Variants in CYP19A1 observed in about 807,000 individuals in gnomAD.
CYP19A1 encodes cytochrome P450 family 19 subfamily A member 1.
CYP19A1 carries 32 observed loss-of-function variants against 44.4 expected under a neutral mutation model. That is an observed-to-expected ratio of 0.72 (90% CI 0.54 to 0.97). The LOEUF (loss-of-function observed/expected upper bound fraction) is 0.97, where lower values mean the gene tolerates loss of function less well. Ranked by LOEUF, CYP19A1 falls within the 50% of genes least tolerant of loss-of-function variation. CYP19A1 has a pLI of 0.00. For synonymous variants in CYP19A1, 212 were observed against 215.6 expected (o/e 0.98, Z 0.14); for missense variants, 598 against 637.8 (o/e 0.94, Z 0.67).
At chr15:51,233,689 G>C (rs571201574) in intron 3 of CYP19A1, among the ~76,000 whole-genome samples, 1 of 152,170 alleles carries the variant, frequency 6.6e-6, no homozygotes, top group Non-Finnish European at 1.5e-5. Flanking sequence ...ATTGCTAACA[G>C]ATATGCAAAT....
intron 1 of CYP19A1, chr15:51,321,935 A>C (rs572655738): frequency 6.8e-6 from 1 of 147,546 alleles, no homozygotes; most frequent in South Asian, 2.1e-4. Flanking sequence ...AACGGAGAGA[A>C]ATGCTGTTTA....
chr15:51,288,211 C>T (rs549068273), intron 1 of CYP19A1, among the ~76,000 whole-genome samples: 59 of 152,278 alleles, frequency 3.9e-4, no homozygotes, highest in African/African-American at 1.4e-3. Context: ...CCAGCCCCTA[C>T]CATCCCTGGC....
At chr15:51,247,046 C>T (rs2034090612) in intron 1 of CYP19A1, among the ~76,000 whole-genome samples, 1 of 152,108 alleles carries the variant, frequency 6.6e-6, no homozygotes, top group African/African-American at 2.4e-5. Context: ...TATGTTTGTT[C>T]TTGATCTCAT....
intron 6 of CYP19A1, 195 bp downstream of exon 6, chr15:51,218,346 T>G: frequency 2.6e-6 from 2 of 767,902 alleles, no homozygotes; most frequent in Non-Finnish European, 3.9e-6. Context: ...GCCAAAGGCT[T>G]CATTTACTCT....
chr15:51,316,225 C>T (rs1595780986), intron 1 of CYP19A1: 1 of 152,188 alleles, frequency 6.6e-6, no homozygotes, highest in African/African-American at 2.4e-5. Context: ...CATGTTGGCT[C>T]ATGTCTCTAA....
chr15:51,316,572 T>C (rs1327538910), intron 1 of CYP19A1, among the ~76,000 whole-genome samples: 2 of 152,048 alleles, frequency 1.3e-5, no homozygotes, highest in African/African-American at 4.8e-5. Context: ...GTCTCCCCTA[T>C]CAATTTTATT....
chr15:51,249,616 G>A (rs1191301386), intron 1 of CYP19A1, among the ~76,000 whole-genome samples: 1 of 152,158 alleles, frequency 6.6e-6, no homozygotes, highest in Non-Finnish European at 1.5e-5. Flanking sequence ...GAGGCAGTAA[G>A]ACAAGCAAAC....
intron 1 of CYP19A1, among the ~76,000 whole-genome samples, chr15:51,250,269 C>G (rs1013804199): frequency 6.6e-6 from 1 of 152,208 alleles, no homozygotes; most frequent in African/African-American, 2.4e-5. Flanking sequence ...CAGGCAGGAC[C>G]GTGGCTTTCT....
chr15:51,222,669 AT>A, intron 4 of CYP19A1, 144 bp from the exon 5 acceptor site: 1 of 726,652 alleles, frequency 1.4e-6, no homozygotes, highest in Admixed American at 2.1e-5. Context: ...ATATTTTCGT[AT>A]GCTTTTCTGT....
At chr15:51,303,273 G>A (rs1162265489) in intron 1 of CYP19A1, among the ~76,000 whole-genome samples, 3 of 152,140 alleles carry the variant, frequency 2.0e-5, no homozygotes, top group Non-Finnish European at 4.4e-5. Context: ...GGCAGGACAG[G>A]CTGGGCCAGG....
At chr15:51,259,129 G>A (rs769779346) in intron 1 of CYP19A1, among the ~76,000 whole-genome samples, 1 of 152,136 alleles carries the variant, frequency 6.6e-6, no homozygotes, top group Non-Finnish European at 1.5e-5. Flanking sequence ...CGTCATTACA[G>A]GAGACAACAA....
rs193043671 is a variant in CYP19A1 at position 51,228,443 on chromosome 15, A to T, written c.297-510T>A. Among the ~76,000 whole-genome samples, 321 of 152,178 alleles carry T rather than the reference A, an allele frequency of 2.1e-3. 1 individual carries two copies. The highest frequency in any genetic ancestry group is 7.3e-3 in the African/African-American group (303 of 41,508). ...CAGCAGTTTTGCCTAGTACCACCCA[A>T]CTCCAGTCTCTAATCAGGCCTGCCC... On this transcript the variant is annotated intron_variant, in intron 3 of 9. Transcript: ENST00000396402.
intron 5 of CYP19A1, 26 bp from the exon 6 acceptor site, chr15:51,218,681 A>T: frequency 6.3e-7 from 1 of 1,598,704 alleles, no homozygotes; most frequent in South Asian, 1.1e-5. Context: ...ACACACATAC[A>T]CAAGAAAGAG....
At position 51,215,798 on chromosome 15, in the gene CYP19A1, T is replaced by C; in HGVS notation, c.763A>G (p.Ile255Val). ...EKSVKDLKDA[I>V]EVLIAEKRRR... ...CTTTTTTCTGCTATCAGAACTTCTA[T>C]GGCATCTTTCAAATCCTTGCTGGAA... is the stretch of plus-strand genomic sequence containing the variant. Residue 255 changes from isoleucine to valine, a missense_variant, in exon 7 of 10, where the codon ATA becomes GTA. Physicochemically the swap from Ile to Val is conservative, Grantham distance 29. Coordinates refer to ENST00000396402, the MANE Select transcript of CYP19A1 (RefSeq NM_000103.4). 1 of 1,613,954 alleles carries C rather than the reference T, an allele frequency of 6.2e-7. No individual in the cohort carries two copies. Among genetic ancestry groups the C allele is most frequent in the Non-Finnish European group, 8.5e-7 (1 of 1,179,968 alleles).
chr15:51,221,401 C>A (rs1004569407), intron 5 of CYP19A1: 3 of 152,148 alleles, frequency 2.0e-5, no homozygotes, highest in Non-Finnish European at 4.4e-5. Context: ...AATGCCAATT[C>A]TTTTATTCCT....
intron 1 of CYP19A1, among the ~76,000 whole-genome samples, chr15:51,294,410 TG>T (rs1163045921): frequency 2.7e-5 from 4 of 146,126 alleles, no homozygotes; most frequent in Non-Finnish European, 6.0e-5. Context: ...CCGCCCCGTC[TG>T]AGAAGTGAGG....
At chr15:51,267,395 C>T (rs1431291624) in intron 1 of CYP19A1, among the ~76,000 whole-genome samples, 1 of 152,192 alleles carries the variant, frequency 6.6e-6, no homozygotes, top group Admixed American at 6.5e-5. Context: ...TCTTTCTGTC[C>T]ACCTGTCTCG....
At chr15:51,271,214 T>G (rs1021221937) in intron 1 of CYP19A1, among the ~76,000 whole-genome samples, 5 of 152,132 alleles carry the variant, frequency 3.3e-5, no homozygotes, top group Non-Finnish European at 7.4e-5. Context: ...CAGTCTGTGG[T>G]CTCCAGATCT....
chr15:51,252,578 A>G (rs1407603970), intron 1 of CYP19A1, among the ~76,000 whole-genome samples: 2 of 152,228 alleles, frequency 1.3e-5, no homozygotes, highest in African/African-American at 2.4e-5. Context: ...AGTGAGGGGC[A>G]AAATTGGTAC....
Sources: allele counts gnomAD v4.1 joint callset (sites outside exome capture counted in the v4.1 genomes callset), GRCh38; gene constraint gnomAD v4.1.1; transcripts MANE v1.5; gene names NCBI Gene and HGNC (gene_info 2026-07-23, HGNC 2026-07-21).